CC2D2B: variants seen among roughly 807,000 people sequenced by gnomAD.
The protein encoded by CC2D2B is protein CC2D2B.
CC2D2B carries 128 observed loss-of-function variants against 161.2 expected under a neutral mutation model. The ratio of observed to expected loss-of-function variants is 0.79; its 90% confidence interval spans 0.69 to 0.92. The LOEUF is 0.92. CC2D2B is among the 40% of genes least tolerant of loss of function. The pLI, the probability that CC2D2B is intolerant of heterozygous loss-of-function variation, is 0.00. For synonymous variants in CC2D2B, 391 were observed against 449.8 expected, an observed-to-expected ratio of 0.87 and a Z score of 1.65; for missense variants, 1,173 against 1,375.1, an observed-to-expected ratio of 0.85 and a Z score of 2.32.
At chr10:96,031,769 A>G in intron 34 of CC2D2B, 51 bp from the exon 35 acceptor site, 1 of 1,442,744 alleles carries the variant, frequency 6.9e-7, no homozygotes, top group Non-Finnish European at 9.6e-7. Context: ...CAGTAATTCC[A>G]GATTACCCAG....
intron 6 of CC2D2B, among the ~76,000 whole-genome samples, chr10:95,927,739 G>A (rs912232037): frequency 6.7e-6 from 1 of 149,450 alleles, no homozygotes; most frequent in East Asian, 2.0e-4. Context: ...CTTTCCAAGG[G>A]CCCTACATTG....
At position 96,024,578 on chromosome 10, in the gene CC2D2B, T is replaced by C. The variant is rs12256831; in HGVS notation, c.3889-275T>C. On this transcript the variant is annotated intron_variant, in intron 32 of 34. Transcript: ENST00000646931. The stretch of plus-strand genomic sequence containing the variant: ...GATTATTTGGTAGTAGCATCCATAG[T>C]GTGTCAAATGCCTGTTTGAAAAATG... 9.3e-3 allele frequency among the ~76,000 whole-genome samples: 1,416 copies of C among 152,344 alleles called. 22 individuals are homozygous for C. The highest frequency in any genetic ancestry group is 0.031 in the African/African-American group (1,296 of 41,576).
In CC2D2B at chr10:96,025,153, AAATATATATATAT is replaced by A. The variant is rs1207232983; in HGVS notation, c.3947+244_3947+256del. Among the ~76,000 whole-genome samples the A allele has an allele frequency of 2.9e-3, 69 of 23,408 alleles. 4 individuals carry two copies. The highest frequency in any genetic ancestry group is 0.013 in the African/African-American group (64 of 5,072). The allele number at this position is 23,408 out of a possible 152,430, so 15.4% of individuals were successfully genotyped here. A position where few individuals can be genotyped will look rare whatever the true frequency, so the allele number is the denominator to read the frequency against. ...GGGAGACGTCATCTCTACTAAAAAA[AAATATATATATAT>A]ATATATATATATATATATAAAAAAA... On this transcript the variant is annotated intron_variant, in intron 33 of 34. Coordinates refer to ENST00000646931, the MANE Select transcript of CC2D2B (RefSeq NM_001349008.3).
chr10:95,927,608 C>T (rs977508828), intron 6 of CC2D2B, among the ~76,000 whole-genome samples: 6 of 150,252 alleles, frequency 4.0e-5, no homozygotes, highest in South Asian at 4.2e-4. Context: ...TTACAGGTAA[C>T]GAAAATCAAG....
intron 12 of CC2D2B, among the ~76,000 whole-genome samples, chr10:95,964,559 TG>T (rs1031135169): frequency 3.9e-5 from 6 of 152,198 alleles, no homozygotes; most frequent in Middle Eastern, 3.2e-3. Flanking sequence ...CTCCAAGTCC[TG>T]GGCTGAGCAC....
chr10:95,998,597 T>G (rs1420319383), intron 24 of CC2D2B, among the ~76,000 whole-genome samples: 1 of 152,088 alleles, frequency 6.6e-6, no homozygotes, highest in African/African-American at 2.4e-5. Context: ...CACATGATTG[T>G]GGAGGCTGGC....
chr10:96,023,708 T>C (rs2079565827), intron 32 of CC2D2B, among the ~76,000 whole-genome samples: 2 of 152,176 alleles, frequency 1.3e-5, no homozygotes, highest in South Asian at 4.1e-4. Flanking sequence ...CATGCTGTAC[T>C]GTGGGGCTCC....
intron 34 of CC2D2B, among the ~76,000 whole-genome samples, chr10:96,029,391 G>A (rs990706857): frequency 6.7e-6 from 1 of 150,362 alleles, no homozygotes; most frequent in African/African-American, 2.4e-5. Flanking sequence ...CTTCAAATGT[G>A]TTGAAGAATT....
At chr10:96,031,459 A>G (rs2080063778) in intron 34 of CC2D2B, among the ~76,000 whole-genome samples, 1 of 152,206 alleles carries the variant, frequency 6.6e-6, no homozygotes, top group Non-Finnish European at 1.5e-5. Flanking sequence ...TGTTGAATAA[A>G]TTGTTCTGAA....
intron 9 of CC2D2B, among the ~76,000 whole-genome samples, chr10:95,946,015 C>A (rs112469073): frequency 8.5e-5 from 13 of 152,150 alleles, no homozygotes; most frequent in African/African-American, 2.9e-4. Flanking sequence ...GAACTCTTGA[C>A]CTCAGAAGAC....
rs1401941639 is a variant in CC2D2B at position 96,032,920 on chromosome 10, C to G, written c.*912C>G. On this transcript the variant is annotated 3_prime_UTR_variant, in exon 35 of 35. Transcript: ENST00000646931. ...TTTCTTAGTAGTGGCTTATCTAGAT[C>G]CTAAGAGCCCCTCAAGAAAGACTGG... 5 of 336,716 alleles carry G rather than the reference C, an allele frequency of 1.5e-5. No individual in the cohort carries two copies. The highest frequency in any genetic ancestry group is 5.4e-5 in the South Asian group (2 of 36,710). The allele number at this position is 336,716 out of a possible 1,614,324, so 20.9% of individuals were successfully genotyped here. A position where few individuals can be genotyped will look rare whatever the true frequency, so the allele number is the denominator to read the frequency against.
At chr10:95,960,541 C>G (rs1214443905) in intron 11 of CC2D2B, among the ~76,000 whole-genome samples, 2 of 151,842 alleles carry the variant, frequency 1.3e-5, no homozygotes. Flanking sequence ...GAGACAAGGT[C>G]TCCCTCTGTT....
chr10:96,029,282 A>C (rs745335152), intron 34 of CC2D2B, among the ~76,000 whole-genome samples: 46 of 53,240 alleles, frequency 8.6e-4, no homozygotes, highest in South Asian at 1.2e-3. Context: ...ATATATATAT[A>C]TATGTATATA....
Position 96,019,198 on chromosome 10 carries a change from T to G in CC2D2B, c.3631-5T>G, listed in dbSNP as rs1168942133. 6.3e-7 allele frequency: 1 copy of G among 1,581,138 alleles called. No homozygotes were observed. Among genetic ancestry groups the G allele is most frequent in the African/African-American group, 1.4e-5 (1 of 72,900 alleles). On this transcript the variant is annotated splice_region_variant and splice_polypyrimidine_tract_variant and intron_variant, in intron 30 of 34. Transcript: ENST00000646931. ...CCAAAAATTACTTTCTTTTTTCTCATACAGGGGCATGTGGCTTATGTAGTA... is the reference window on the plus strand; with the variant it reads ...CCAAAAATTACTTTCTTTTTTCTCAGACAGGGGCATGTGGCTTATGTAGTA...
chr10:96,000,029 C>T (rs2078407098), intron 24 of CC2D2B: 2 of 1,397,276 alleles, frequency 1.4e-6, no homozygotes, highest in Non-Finnish European at 9.6e-7. Context: ...TACAACAATG[C>T]CAACAGCATG....
intron 4 of CC2D2B, 35 bp downstream of exon 4, chr10:95,924,425 A>G: frequency 1.7e-6 from 2 of 1,207,988 alleles, no homozygotes; most frequent in East Asian, 5.2e-5. Flanking sequence ...TTTCAAATTT[A>G]CTATTTAAAT....
At position 95,995,349 on chromosome 10, in the gene CC2D2B, A is replaced by G; in HGVS notation, c.2723A>G (p.Asp908Gly). Residue 908 changes from aspartate (D) to glycine (G), a missense_variant, in exon 23 of 35, where the codon GAT (aspartate) becomes GGT (glycine). Around this residue, in one of 3 missense-constraint regions of CC2D2B, gnomAD observed 598 missense variants for 693.2 expected, o/e 0.86. Coordinates refer to ENST00000646931, the MANE Select transcript of CC2D2B (RefSeq NM_001349008.3). ...GAAACAATCAAATCAGTAGCCTCAG[A>G]TGAGACCTTACATGAGGTAAGTATT... is the stretch of plus-strand genomic sequence containing the variant. ...HRETIKSVAS[D>G]ETLHEDTVHP... The G allele has an allele frequency of 4.6e-6, 7 of 1,513,018 alleles. No individual in the cohort carries two copies. Among genetic ancestry groups the G allele is most frequent in the Non-Finnish European group, 6.2e-6 (7 of 1,128,220 alleles). 93.7% of individuals were successfully genotyped at this position (1,513,018 alleles called of 1,614,324 possible). A position where few individuals can be genotyped will look rare whatever the true frequency, so the allele number is the denominator to read the frequency against.
chr10:95,976,818 G>A (rs1032583802), intron 17 of CC2D2B, among the ~76,000 whole-genome samples: 1 of 152,164 alleles, frequency 6.6e-6, no homozygotes, highest in Admixed American at 6.5e-5. Context: ...GTGCAATCTC[G>A]GCTCACTGCA....
In CC2D2B at chr10:95,950,112, A is replaced by G. The variant is rs2076348778; in HGVS notation, c.1011+7A>G. 2.5e-6 allele frequency: 1 copy of G among 398,728 alleles called. No homozygotes were observed. The allele number at this position is 398,728 out of a possible 1,614,324, so 24.7% of individuals were successfully genotyped here. ...TCAGCTGCTTTATGAGAAGGTGAGA[A>G]TGGCTTTCATTATAAAGCTAAACAT... On this transcript the variant is annotated splice_region_variant and intron_variant, in intron 10 of 34. Transcript: ENST00000646931.
Sources: gnomAD v4.1 joint callset for allele counts (sites outside exome capture counted in the v4.1 genomes callset) on GRCh38, gnomAD v4.1.1 for gene constraint, gnomAD v4.1.1 regional missense constraint, MANE v1.5 for transcripts, NCBI Gene and HGNC (gene_info 2026-07-23, HGNC 2026-07-21) for gene names.